The following MAML2 variants were observed in gnomAD, a reference collection of about 807,000 sequenced individuals.
MAML2 encodes mastermind-like protein 2.
A neutral mutation model predicts 96.1 loss-of-function variants in MAML2; 22 were observed. The ratio of observed to expected loss-of-function variants is 0.23; its 90% CI spans 0.16 to 0.33. MAML2 has a LOEUF of 0.33. Among genes scored for constraint, MAML2 ranks in the 10% least tolerant of loss-of-function variants. MAML2 has a pLI of 1.00. For missense variants in MAML2, 1,367 were observed against 1,392.4 expected, an observed-to-expected ratio of 0.98 and a Z score of 0.29; for synonymous variants, 561 against 521.3, an observed-to-expected ratio of 1.08 and a Z score of -1.04.
rs553092532 is a variant in MAML2, at chr11:96,315,245, G to A, written c.513+26138C>T. The stretch of plus-strand genomic sequence containing the variant: ...GGTATTGAAAAAATGAGGACAAAAC[G>A]GTGCCAATGGATAATTTGTGGAAGG... On this transcript the variant is annotated intron_variant, in intron 1 of 4. Coordinates refer to ENST00000524717, the MANE Select transcript of MAML2 (RefSeq NM_032427.4). 5.9e-5 allele frequency among the ~76,000 whole-genome samples: 9 copies of A among 152,194 alleles called. No homozygotes were observed. The South Asian group carries it at 1.9e-3, about 32-fold the overall frequency.
intron 1 of MAML2, among the ~76,000 whole-genome samples, chr11:96,323,874 C>A (rs888183149): frequency 6.6e-6 from 1 of 152,208 alleles, no homozygotes; most frequent in Non-Finnish European, 1.5e-5. Flanking sequence ...CTGAAAGCTA[C>A]CCTGGAATGC....
chr11:96,058,462 G>T (rs1273642633), intron 2 of MAML2, among the ~76,000 whole-genome samples: 8 of 152,078 alleles, frequency 5.3e-5, no homozygotes, highest in Non-Finnish European at 1.2e-4. Context: ...TGGGACTACG[G>T]GCATGCGCCA....
intron 4 of MAML2, among the ~76,000 whole-genome samples, chr11:95,983,980 G>C (rs966138763): frequency 4.6e-5 from 7 of 152,150 alleles, no homozygotes; most frequent in African/African-American, 1.7e-4. Flanking sequence ...CTAGGCCTTT[G>C]CATTCACACG....
intron 1 of MAML2, among the ~76,000 whole-genome samples, chr11:96,251,372 G>A (rs1170232689): frequency 5.3e-5 from 8 of 152,156 alleles, no homozygotes; most frequent in Non-Finnish European, 5.9e-5. Context: ...AAGGTATTGG[G>A]ATAATTAGAT....
Position 96,070,304 on chromosome 11 carries a change from T to TAATA in MAML2, c.2139+21584_2139+21587dup, listed in dbSNP as rs374353045. ...GACTCCGTTTCAATAAAAATAAAAA[T>TAATA]AATAAATAAATAAATAAGGCATAAC... On this transcript the variant is annotated intron_variant, in intron 2 of 4. Coordinates refer to ENST00000524717, the MANE Select transcript of MAML2 (RefSeq NM_032427.4). 5.5e-3 allele frequency among the ~76,000 whole-genome samples: 830 copies of TAATA among 151,826 alleles called. 8 individuals are homozygous for TAATA. Among genetic ancestry groups the TAATA allele is most frequent in the African/African-American group, 0.019 (794 of 41,420 alleles).
rs1348256919 is a variant in MAML2 at position 96,092,902 on chromosome 11, A to T, written c.1129T>A (p.Ser377Thr). The T allele has an allele frequency of 6.2e-7, 1 of 1,605,078 alleles. No homozygotes were observed. The change falls in exon 2 of 5, where the codon TCA becomes ACA. Residue 377 changes from serine (S) to threonine (T), a missense_variant. By Grantham distance (58) the Ser-to-Thr change is moderately conservative. Coordinates refer to ENST00000524717, the MANE Select transcript of MAML2 (RefSeq NM_032427.4). The surrounding 1 kb of genome is among the most constrained non-coding windows in gnomAD (Gnocchi z 4.1). ...EYSPGLTQGP[S>T]GSPQLRPPSA... The stretch of plus-strand genomic sequence containing the variant: ...GGGGGCCTCAGCTGAGGAGAGCCTG[A>T]GGGGCCCTGAGTCAAGCCCGGTGAG...
At chr11:96,315,300 G>A (rs1863614404) in intron 1 of MAML2, among the ~76,000 whole-genome samples, 1 of 152,120 alleles carries the variant, frequency 6.6e-6, no homozygotes, top group Admixed American at 6.5e-5. Flanking sequence ...AACCTTAAAG[G>A]CTGGAAATGA....
intron 1 of MAML2, among the ~76,000 whole-genome samples, chr11:96,163,060 A>C (rs1861137980): frequency 6.6e-6 from 1 of 152,206 alleles, no homozygotes; most frequent in African/African-American, 2.4e-5. Context: ...TTCATTACTC[A>C]CATTACTCCT....
At chr11:96,181,831 C>T (rs12289050) in intron 1 of MAML2, among the ~76,000 whole-genome samples, 1 of 152,194 alleles carries the variant, frequency 6.6e-6, no homozygotes, top group Non-Finnish European at 1.5e-5. Flanking sequence ...GTGAAATGCA[C>T]GATCACTGAT....
chr11:96,290,330 G>C (rs1863192010), intron 1 of MAML2, among the ~76,000 whole-genome samples: 1 of 152,162 alleles, frequency 6.6e-6, no homozygotes, highest in Non-Finnish European at 1.5e-5. Context: ...AGAGACAATG[G>C]GGAGAATGTG....
At chr11:96,323,336 T>C (rs1412582911) in intron 1 of MAML2, among the ~76,000 whole-genome samples, 4 of 152,218 alleles carry the variant, frequency 2.6e-5, no homozygotes, top group African/African-American at 7.2e-5. Flanking sequence ...CTGTTGCTCC[T>C]TCTAGCCAAA....
intron 1 of MAML2, among the ~76,000 whole-genome samples, chr11:96,129,096 G>C (rs965316472): frequency 2.0e-5 from 3 of 152,050 alleles, no homozygotes; most frequent in African/African-American, 7.2e-5. Flanking sequence ...TCTAACTCAA[G>C]ATTTACCAAT....
At chr11:96,170,618 A>G (rs1268111428) in intron 1 of MAML2, among the ~76,000 whole-genome samples, 1 of 152,224 alleles carries the variant, frequency 6.6e-6, no homozygotes, top group Admixed American at 6.5e-5. Flanking sequence ...TGCGTGGATT[A>G]TCAGGCAGCA....
At chr11:96,174,795 C>CA (rs1356594607) in intron 1 of MAML2, among the ~76,000 whole-genome samples, 1 of 152,264 alleles carries the variant, frequency 6.6e-6, no homozygotes, top group Non-Finnish European at 1.5e-5. Context: ...GAAGCATGTG[C>CA]AATTGTTAAC....
chr11:96,301,604 C>T (rs1863388400), intron 1 of MAML2, among the ~76,000 whole-genome samples: 2 of 152,208 alleles, frequency 1.3e-5, no homozygotes, highest in African/African-American at 4.8e-5. Flanking sequence ...AAATATATAT[C>T]TCAGGGCTCT....
At chr11:96,038,076 T>C (rs1858746927) in intron 2 of MAML2, among the ~76,000 whole-genome samples, 1 of 152,200 alleles carries the variant, frequency 6.6e-6, no homozygotes, top group Non-Finnish European at 1.5e-5. Flanking sequence ...AGCAGGTAAA[T>C]ATTAAGAATT....
chr11:96,009,534 A>G (rs909144842), intron 2 of MAML2, among the ~76,000 whole-genome samples: 4 of 152,134 alleles, frequency 2.6e-5, no homozygotes, highest in African/African-American at 4.8e-5. Flanking sequence ...AATCAAGGAG[A>G]GACTATTGGT....
At chr11:96,150,432 T>G (rs1232152191) in intron 1 of MAML2, among the ~76,000 whole-genome samples, 2 of 152,090 alleles carry the variant, frequency 1.3e-5, no homozygotes, top group East Asian at 1.9e-4. Context: ...GTAGTGACAC[T>G]TACCTTGAAT....
chr11:96,093,509 A>G lies in MAML2; in HGVS notation c.522T>C (p.Gly174=), dbSNP rs1859772682. The change falls in exon 2 of 5, where the codon GGT becomes GGC. Residue 174 remains glycine, a synonymous_variant. Transcript: ENST00000524717. The stretch of plus-strand genomic sequence containing the variant: ...TAACTACCTGTTTTCTTTTCAAGGA[A>G]CCCTGGAGCTGAAAGACAGAAGGGA... ...QRNSALIALQ[G]SLKRKQVVNL... The G allele has an allele frequency of 6.3e-7, 1 of 1,592,828 alleles. No individual in the cohort carries two copies. Among genetic ancestry groups the G allele is most frequent in the East Asian group, 2.2e-5 (1 of 44,718 alleles).
Sources: allele counts gnomAD v4.1 joint callset (sites outside exome capture counted in the v4.1 genomes callset), GRCh38; gene constraint gnomAD v4.1.1; non-coding constraint Gnocchi (gnomAD v3.1); transcripts MANE v1.5; gene names NCBI Gene and HGNC (gene_info 2026-07-23, HGNC 2026-07-21).